Variants in NHS observed in about 807,000 individuals in gnomAD.
NHS encodes the protein NHS actin remodeling regulator.
Under a neutral mutation model 72.5 loss-of-function variants are expected in NHS, and 5 were observed. The ratio of observed to expected loss-of-function variants is 0.07; its 90% confidence interval spans 0.04 to 0.14. The LOEUF (loss-of-function observed/expected upper bound fraction) is 0.14, where lower values mean the gene tolerates loss of function less well. NHS is among the 10% of genes least tolerant of loss of function. The pLI, the probability that NHS is intolerant of heterozygous loss-of-function variation, is 1.00. For synonymous variants in NHS, 464 were observed against 547.7 expected (o/e 0.85, Z 2.13); for missense variants, 1,072 against 1,355.7 (o/e 0.79, Z 3.29).
chrX:17,483,121 G>A (rs2064953323), intron 1 of NHS, among the ~76,000 whole-genome samples: 2 of 112,152 alleles, frequency 1.8e-5, no homozygotes, highest in African/African-American at 6.5e-5. Context: ...GATTCTTGTT[G>A]TTTGTTTGAA....
intron 1 of NHS, among the ~76,000 whole-genome samples, chrX:17,548,579 C>T (rs1298595811): frequency 8.9e-6 from 1 of 111,922 alleles, no homozygotes; most frequent in Non-Finnish European, 1.9e-5. Flanking sequence ...GCACCACACA[C>T]ACACACGCAC....
chrX:17,415,943 A>G (rs943131663), intron 1 of NHS, among the ~76,000 whole-genome samples: 1 of 111,797 alleles, frequency 8.9e-6, no homozygotes, highest in South Asian at 3.8e-4. Flanking sequence ...TGCAATAGAA[A>G]GGCGGCTGGT....
At chrX:17,573,526 C>T (rs2065493492) in intron 1 of NHS, among the ~76,000 whole-genome samples, 1 of 109,581 alleles carries the variant, frequency 9.1e-6, no homozygotes, top group Admixed American at 9.8e-5. Flanking sequence ...TTTTCAGCTC[C>T]ATCAGATCAT....
At chrX:17,645,897 A>G (rs2065903638) in intron 1 of NHS, among the ~76,000 whole-genome samples, 1 of 111,694 alleles carries the variant, frequency 9.0e-6, no homozygotes, top group African/African-American at 3.3e-5. Flanking sequence ...TTCTGCAGAA[A>G]CTTCCTGTTG....
At chrX:17,557,918 C>A (rs1368935100) in intron 1 of NHS, among the ~76,000 whole-genome samples, 1 of 112,029 alleles carries the variant, frequency 8.9e-6, no homozygotes, top group Non-Finnish European at 1.9e-5. Context: ...CACAACCTGG[C>A]AGCCAGATTT....
intron 1 of NHS, among the ~76,000 whole-genome samples, chrX:17,676,895 G>GT (rs1421134430): frequency 8.9e-6 from 1 of 112,282 alleles, no homozygotes; most frequent in Non-Finnish European, 1.9e-5. Flanking sequence ...TATTGAGATA[G>GT]TTTTTTAAGG....
chrX:17,631,725 T>TC (rs938600929), intron 1 of NHS, among the ~76,000 whole-genome samples: 2 of 111,945 alleles, frequency 1.8e-5, no homozygotes, highest in Non-Finnish European at 3.8e-5. Context: ...TCTTATTTAA[T>TC]CCCCCCAGCA....
At chrX:17,674,761 G>C (rs986500715) in intron 1 of NHS, among the ~76,000 whole-genome samples, 1 of 112,025 alleles carries the variant, frequency 8.9e-6, no homozygotes, top group Admixed American at 9.4e-5. Context: ...AAGACCTCCA[G>C]ACTTGAGTTT....
intron 1 of NHS, among the ~76,000 whole-genome samples, chrX:17,473,898 C>G (rs972318261): frequency 1.8e-5 from 2 of 110,722 alleles, no homozygotes; most frequent in Non-Finnish European, 3.8e-5. Context: ...ATGAACAATG[C>G]TTTATATTTA....
chrX:17,464,492 G>C (rs888717458), intron 1 of NHS, among the ~76,000 whole-genome samples: 9 of 112,045 alleles, frequency 8.0e-5, no homozygotes, highest in Admixed American at 4.7e-4. Context: ...AGTCTGTCCT[G>C]GATTGACCAG....
intron 1 of NHS, among the ~76,000 whole-genome samples, chrX:17,624,449 C>T (rs1249990105): frequency 8.9e-6 from 1 of 112,571 alleles, no homozygotes; most frequent in African/African-American, 3.2e-5. Flanking sequence ...CCCAGGATAC[C>T]CCATGAGCTG....
At chrX:17,624,207 A>G (rs1287170036) in intron 1 of NHS, among the ~76,000 whole-genome samples, 1 of 112,832 alleles carries the variant, frequency 8.9e-6, no homozygotes, top group Non-Finnish European at 1.9e-5. Flanking sequence ...ACAAGGACTA[A>G]TGAAAGGGCA....
chrX:17,492,229 G>T (rs2064995259), intron 1 of NHS, among the ~76,000 whole-genome samples: 1 of 111,785 alleles, frequency 8.9e-6, no homozygotes, highest in South Asian at 3.7e-4. Context: ...TGATGTTAGG[G>T]TGTTGATTTT....
intron 3 of NHS, among the ~76,000 whole-genome samples, chrX:17,695,967 G>T (rs193104855): frequency 9.3e-6 from 1 of 107,669 alleles, no homozygotes; most frequent in East Asian, 2.9e-4. Flanking sequence ...ATTCCATCCT[G>T]CTGGATTTTG....
In NHS at chrX:17,691,044, A is replaced by G. The variant is rs182182505; in HGVS notation, c.719-1291A>G. ...GCTGTAGTGGACTAATGTTCTCCCT[A>G]CCTCAGCACCAGAAAAAGGTATTAT... is the stretch of plus-strand genomic sequence containing the variant. On this transcript the variant is annotated intron_variant, in intron 2 of 8. Coordinates refer to ENST00000676302, the MANE Select transcript of NHS (RefSeq NM_001291867.2). Among the ~76,000 whole-genome samples the G allele has an allele frequency of 3.8e-4, 43 of 111,771 alleles. No individual in the cohort carries two copies. In the East Asian group the frequency reaches 8.5e-3, roughly 22 times the overall value.
At chrX:17,676,646 C>T (rs2066083380) in intron 1 of NHS, among the ~76,000 whole-genome samples, 1 of 112,624 alleles carries the variant, frequency 8.9e-6, no homozygotes, top group African/African-American at 3.2e-5. Flanking sequence ...CTGACAGTGT[C>T]TCTTCAGGGG....
At chrX:17,591,190 A>G (rs777935661) in intron 1 of NHS, among the ~76,000 whole-genome samples, 3 of 112,022 alleles carry the variant, frequency 2.7e-5, no homozygotes, top group Non-Finnish European at 5.6e-5. Context: ...GGACAAGGCC[A>G]GAGTTACTGT....
chrX:17,611,636 A>T (rs2065711707), intron 1 of NHS, among the ~76,000 whole-genome samples: 2 of 111,336 alleles, frequency 1.8e-5, no homozygotes, highest in South Asian at 7.6e-4. Flanking sequence ...ATCGACAGGT[A>T]GGTTAGGGAA....
At chrX:17,591,649 G>A (rs1791550145) in intron 1 of NHS, among the ~76,000 whole-genome samples, 1 of 111,351 alleles carries the variant, frequency 9.0e-6, no homozygotes, top group Admixed American at 9.6e-5. Context: ...ACTAATGTGT[G>A]ACCCCGGATC....
Sources: allele counts gnomAD v4.1 joint callset (sites outside exome capture counted in the v4.1 genomes callset), GRCh38; gene constraint gnomAD v4.1.1; transcripts MANE v1.5; gene names NCBI Gene and HGNC (gene_info 2026-07-23, HGNC 2026-07-21).